Variants in SPEF2 observed in about 807,000 individuals in gnomAD.
SPEF2 encodes the protein sperm flagellar and cilia associated 2.
A neutral mutation model predicts 224.6 loss-of-function variants in SPEF2; 187 were observed. The observed-to-expected ratio is 0.83, with a 90% CI of 0.74 to 0.94. The LOEUF is 0.94. SPEF2 is among the 40% of genes least tolerant of loss of function. The probability of loss-of-function intolerance (pLI) is 0.00; values close to 1 mark genes in which losing one functional copy is unlikely to be tolerated. For missense variants in SPEF2, 2,170 were observed against 2,135.6 expected, an observed-to-expected ratio of 1.02 and a Z score of -0.32; for synonymous variants, 715 against 707.3, an observed-to-expected ratio of 1.01 and a Z score of -0.17.
chr5:35,740,159 G>C lies in SPEF2; in HGVS notation c.3222G>C (p.Pro1074=), dbSNP rs761012713. 1 of 1,613,916 alleles carries C rather than the reference G, an allele frequency of 6.2e-7. No individual in the cohort carries two copies. Among genetic ancestry groups the C allele is most frequent in the Non-Finnish European group, 8.5e-7 (1 of 1,180,008 alleles). ...RTSFQEFLKR[P]DHKQDFVAQW... The stretch of plus-strand genomic sequence containing the variant: ...GTTTCCAGGAGTTTCTAAAGCGTCC[G>C]GATCACAAGCAAGATTTTGTAGCTC... Residue 1074 remains proline (P), a synonymous_variant, in exon 23 of 37, where the codon CCG becomes CCC. Coordinates refer to ENST00000356031, the MANE Select transcript of SPEF2 (RefSeq NM_024867.4).
In SPEF2 at chr5:35,644,508, T is replaced by G; in HGVS notation, c.568T>G (p.Cys190Gly). ...TCAAAAACTCAAGGAAGAGCAAAGA[T>G]GTTTTGATATTGAAAAGGTTCTATA... ...RFQKLKEEQR[C>G]FDIEKQYLNR... Residue 190 changes from cysteine to glycine, a missense_variant, in exon 4 of 37, where the codon TGT becomes GGT. Physicochemically the swap from Cys to Gly is radical, Grantham distance 159. Coordinates refer to ENST00000356031, the MANE Select transcript of SPEF2 (RefSeq NM_024867.4). 1.2e-6 allele frequency: 2 copies of G among 1,601,158 alleles called. No individual in the cohort carries two copies. The highest frequency in any genetic ancestry group is 8.5e-7 in the Non-Finnish European group (1 of 1,176,170).
chr5:35,698,266 G>A (rs1755623039), intron 15 of SPEF2: 1 of 152,752 alleles, frequency 6.5e-6, no homozygotes, highest in African/African-American at 2.4e-5. Context: ...TGTGGGATGT[G>A]GAAACAGTGA....
At chr5:35,686,918 T>C (rs1026622221) in intron 10 of SPEF2, among the ~76,000 whole-genome samples, 2 of 152,052 alleles carry the variant, frequency 1.3e-5, no homozygotes, top group African/African-American at 4.8e-5. Flanking sequence ...TTTTTGTTTT[T>C]GAAGTGTGTG....
At chr5:35,643,597 C>T (rs551052522) in intron 3 of SPEF2, 17 of 453,200 alleles carry the variant, frequency 3.8e-5, no homozygotes, top group East Asian at 1.4e-4. Flanking sequence ...CCTCTGGGGA[C>T]GGAAAGAGGA....
At chr5:35,653,539 A>G (rs1391703705) in intron 6 of SPEF2, among the ~76,000 whole-genome samples, 2 of 152,102 alleles carry the variant, frequency 1.3e-5, no homozygotes, top group East Asian at 3.8e-4. Flanking sequence ...CTTCCCTGAC[A>G]CTTGGGTTAT....
intron 10 of SPEF2, among the ~76,000 whole-genome samples, chr5:35,680,958 A>G (rs1446997994): frequency 1.3e-5 from 2 of 152,210 alleles, no homozygotes; most frequent in African/African-American, 4.8e-5. Context: ...TCCAATGGAA[A>G]CATGTAGACA....
intron 1 of SPEF2, among the ~76,000 whole-genome samples, chr5:35,620,927 G>A (rs1743414505): frequency 6.6e-6 from 1 of 152,204 alleles, no homozygotes; most frequent in African/African-American, 2.4e-5. Flanking sequence ...ATTATGGTTT[G>A]CGTAAGTGTA....
chr5:35,774,846 A>G (rs536303518), intron 28 of SPEF2, among the ~76,000 whole-genome samples: 7 of 152,242 alleles, frequency 4.6e-5, no homozygotes, highest in African/African-American at 1.7e-4. Flanking sequence ...AAACCCCAAC[A>G]ATAAAATCTG....
chr5:35,758,659 C>G (rs1309865723), intron 24 of SPEF2, among the ~76,000 whole-genome samples: 3 of 152,138 alleles, frequency 2.0e-5, no homozygotes, highest in Non-Finnish European at 4.4e-5. Context: ...TGAATTCTCT[C>G]TCTTCTCCAC....
intron 16 of SPEF2, 90 bp from the exon 17 acceptor site, chr5:35,704,464 T>G: frequency 1.4e-6 from 1 of 732,164 alleles, no homozygotes; most frequent in Non-Finnish European, 2.3e-6. Flanking sequence ...CAGGACCGTA[T>G]CTGTTTGGCA....
intron 7 of SPEF2, among the ~76,000 whole-genome samples, chr5:35,658,014 C>A (rs1289315919): frequency 6.6e-6 from 1 of 152,180 alleles, no homozygotes; most frequent in Non-Finnish European, 1.5e-5. Flanking sequence ...AGAGTAAGTT[C>A]TGGTCTCTAG....
intron 21 of SPEF2, among the ~76,000 whole-genome samples, chr5:35,733,360 T>C (rs7716355): frequency 0.041 from 6,217 of 152,254 alleles, 347 homozygotes; most frequent in African/African-American, 0.12. Flanking sequence ...GTGATCCACC[T>C]GCCTTGGCCT....
At position 35,778,468 on chromosome 5, in the gene SPEF2, C is replaced by T. The variant is rs557433442; in HGVS notation, c.4218-649C>T. Among the ~76,000 whole-genome samples the T allele has an allele frequency of 3.3e-5, 5 of 152,298 alleles. No individual in the cohort carries two copies. In the South Asian group the frequency reaches 8.3e-4, roughly 25 times the overall value. On this transcript the variant is annotated intron_variant, in intron 29 of 36. Transcript: ENST00000356031. ...GGATGAGAACTCAGATTCCAGCACT[C>T]TTTCTACCGCATCATAGTGGTTCCC...
At chr5:35,640,268 T>C (rs999548311) in intron 2 of SPEF2, among the ~76,000 whole-genome samples, 1 of 152,156 alleles carries the variant, frequency 6.6e-6, no homozygotes, top group African/African-American at 2.4e-5. Context: ...CCCAAGGTTA[T>C]AACCCAGACC....
chr5:35,788,132 G>A (rs908692469), intron 30 of SPEF2: 18 of 702,762 alleles, frequency 2.6e-5, no homozygotes, highest in East Asian at 5.4e-5. Context: ...TCATCTCAGC[G>A]AGGCTCATGC....
At chr5:35,652,886 T>A (rs1748400031) in intron 6 of SPEF2, among the ~76,000 whole-genome samples, 1 of 152,120 alleles carries the variant, frequency 6.6e-6, no homozygotes, top group Non-Finnish European at 1.5e-5. Flanking sequence ...TATATCCTTA[T>A]TTTTTGAATA....
intron 30 of SPEF2, among the ~76,000 whole-genome samples, chr5:35,786,454 GT>G (rs888370847): frequency 2.0e-4 from 30 of 152,180 alleles, no homozygotes. Flanking sequence ...GAGGTCAGGA[GT>G]TCGAGACCAG....
chr5:35,642,846 A>G (rs895010398), intron 3 of SPEF2, among the ~76,000 whole-genome samples: 1 of 152,190 alleles, frequency 6.6e-6, no homozygotes, highest in Non-Finnish European at 1.5e-5. Flanking sequence ...CATGGATATC[A>G]TTGTAAGTCT....
intron 30 of SPEF2, among the ~76,000 whole-genome samples, chr5:35,786,055 A>C (rs1300677578): frequency 2.6e-5 from 4 of 152,234 alleles, no homozygotes; most frequent in African/African-American, 9.6e-5. Context: ...GATCTAGCTT[A>C]ACCACTACAG....
Sources: gnomAD v4.1 joint callset for allele counts (sites outside exome capture counted in the v4.1 genomes callset) on GRCh38, gnomAD v4.1.1 for gene constraint, MANE v1.5 for transcripts, NCBI Gene and HGNC (gene_info 2026-07-23, HGNC 2026-07-21) for gene names.